The following RPTOR variants were observed in gnomAD, a reference collection of about 807,000 sequenced individuals.
RPTOR encodes regulatory associated protein of MTOR complex 1, also known as regulatory-associated protein of mTOR.
A neutral mutation model predicts 169.9 loss-of-function variants in RPTOR; 21 were observed. That is an observed-to-expected ratio of 0.12 (90% CI 0.09 to 0.18). RPTOR has a LOEUF of 0.18. Among genes scored for constraint, RPTOR ranks in the 10% least tolerant of loss-of-function variants. The pLI, the probability that RPTOR is intolerant of heterozygous loss-of-function variation, is 1.00. For missense variants in RPTOR, 1,133 were observed against 1,855.9 expected (o/e 0.61, Z 7.16); for synonymous variants, 732 against 753.2 (o/e 0.97, Z 0.46).
At chr17:80,838,316 GT>G (rs1357821925) in intron 10 of RPTOR, among the ~76,000 whole-genome samples, 3 of 152,158 alleles carry the variant, frequency 2.0e-5, no homozygotes, top group African/African-American at 4.8e-5. Context: ...CCACAGACGC[GT>G]TGTGGATCTC....
intron 25 of RPTOR, among the ~76,000 whole-genome samples, chr17:80,945,312 G>T (rs1473199975): frequency 6.6e-6 from 1 of 151,778 alleles, no homozygotes; most frequent in Non-Finnish European, 1.5e-5. Context: ...TAAAAAAGGG[G>T]CCCGGCGCGG....
intron 1 of RPTOR, among the ~76,000 whole-genome samples, chr17:80,590,432 G>A (rs2065095588): frequency 6.7e-6 from 1 of 149,264 alleles, no homozygotes; most frequent in Non-Finnish European, 1.5e-5. Context: ...TGCACACAGT[G>A]TCTTTAATGG....
chr17:80,588,805 AAAATGTGTTT>A (rs1330828785), intron 1 of RPTOR, among the ~76,000 whole-genome samples: 3 of 152,286 alleles, frequency 2.0e-5, no homozygotes, highest in African/African-American at 7.2e-5. Context: ...ACGTCCTTTT[AAAATGTGTTT>A]ATATGTGGAA....
At position 80,582,802 on chromosome 17, in the gene RPTOR, C is replaced by T. The variant is rs151205447; in HGVS notation, c.162+37011C>T. ...CTCGTGATCCGCCCGCCTCAGCCTC[C>T]CAAAGTGCTGGGATTACAGGCGTGA... On this transcript the variant is annotated intron_variant, in intron 1 of 33. Coordinates refer to ENST00000306801, the MANE Select transcript of RPTOR (RefSeq NM_020761.3). Among the ~76,000 whole-genome samples the T allele has an allele frequency of 2.6e-5, 4 of 152,130 alleles. No individual in the cohort carries two copies. In the East Asian group the frequency reaches 7.7e-4, roughly 29 times the overall value.
At chr17:80,859,592 C>T (rs2067894399) in intron 13 of RPTOR, among the ~76,000 whole-genome samples, 1 of 152,146 alleles carries the variant, frequency 6.6e-6, no homozygotes, top group African/African-American at 2.4e-5. Flanking sequence ...ACGGAGGAGC[C>T]GGCATCAGGG....
At position 80,855,551 on chromosome 17, in the gene RPTOR, C is replaced by T. The variant is rs369482636; in HGVS notation, c.1398+4C>T. ...GGGTCCCTGGGCAGTGAGCCTGGTG[C>T]GTGCCTTCCGCATTAACCTGGGGGC... On this transcript the variant is annotated splice_donor_region_variant and intron_variant, in intron 12 of 33. Transcript: ENST00000306801. The T allele has an allele frequency of 5.0e-5, 80 of 1,606,556 alleles. No homozygotes were observed. The highest frequency in any genetic ancestry group is 6.7e-5 in the Admixed American group (4 of 60,014).
chr17:80,810,048 AAAATAAATAAATAAATAAATAAAT>A (rs56853505), intron 7 of RPTOR, among the ~76,000 whole-genome samples: 3 of 144,150 alleles, frequency 2.1e-5, no homozygotes, highest in South Asian at 2.3e-4. Flanking sequence ...ACTCCATCTC[AAAATAAATAAATAAATAAATAAAT>A]AAATAAATAA....
In RPTOR at chr17:80,562,849, T is replaced by A. The variant is rs1006886323; in HGVS notation, c.162+17058T>A. On this transcript the variant is annotated intron_variant, in intron 1 of 33. Transcript: ENST00000306801. This position sits in a 1 kb window ranked among gnomAD's most constrained non-coding sequence, Gnocchi z 4.4. ...TAAAGATATATCAAAACAAAAGTAC[T>A]GTGAAAAAGTTAAATCAGATTTTTC... 6.6e-6 allele frequency among the ~76,000 whole-genome samples: 1 copy of A among 152,244 alleles called. No individual in the cohort carries two copies. Among genetic ancestry groups the A allele is most frequent in the Non-Finnish European group, 1.5e-5 (1 of 68,046 alleles).
At chr17:80,872,851 C>G (rs982423213) in intron 13 of RPTOR, among the ~76,000 whole-genome samples, 1 of 152,156 alleles carries the variant, frequency 6.6e-6, no homozygotes, top group African/African-American at 2.4e-5. Context: ...GAGGCTGTCT[C>G]TGTGTGGCAA....
chr17:80,607,655 C>T (rs1404429981), intron 1 of RPTOR, among the ~76,000 whole-genome samples: 8 of 151,036 alleles, frequency 5.3e-5, no homozygotes, highest in South Asian at 2.1e-4. Context: ...TATATCTCCC[C>T]GATTTTTTGA....
At chr17:80,953,490 A>C (rs1208321815) in intron 28 of RPTOR, among the ~76,000 whole-genome samples, 1 of 152,250 alleles carries the variant, frequency 6.6e-6, no homozygotes, top group Non-Finnish European at 1.5e-5. Context: ...GTGCCAAGCC[A>C]AGCCCTCTGT....
chr17:80,647,977 G>C (rs1296119933), intron 3 of RPTOR, among the ~76,000 whole-genome samples: 1 of 152,124 alleles, frequency 6.6e-6, no homozygotes, highest in African/African-American at 2.4e-5. Flanking sequence ...TCTCAGATGT[G>C]TCACAGTTAA....
intron 3 of RPTOR, among the ~76,000 whole-genome samples, chr17:80,665,236 G>A (rs991267150): frequency 4.6e-5 from 7 of 152,156 alleles, no homozygotes; most frequent in South Asian, 2.1e-4. Flanking sequence ...GTTTCCTGGC[G>A]AGGAGGGAGG....
At chr17:80,677,002 C>T (rs557656384) in intron 3 of RPTOR, among the ~76,000 whole-genome samples, 6 of 152,286 alleles carry the variant, frequency 3.9e-5, no homozygotes, top group East Asian at 3.9e-4. Flanking sequence ...TGAGGGACTT[C>T]GGTTCCCACC....
At position 80,957,989 on chromosome 17, in the gene RPTOR, G is replaced by C. The variant is rs1371648969; in HGVS notation, c.3477+259G>C. On this transcript the variant is annotated intron_variant, in intron 29 of 33. Transcript: ENST00000306801. This position sits in a 1 kb window ranked among gnomAD's most constrained non-coding sequence, Gnocchi z 4.6. ...CGCCAGCTCTGAGTGTTTGCAAGTA[G>C]TGTCTTCTCTCTGCAAATTAAGGAA... 6.6e-6 allele frequency among the ~76,000 whole-genome samples: 1 copy of C among 152,212 alleles called. No homozygotes were observed. The highest frequency in any genetic ancestry group is 2.4e-5 in the African/African-American group (1 of 41,442).
intron 5 of RPTOR, among the ~76,000 whole-genome samples, chr17:80,744,551 TAGCACTGTCCTGGTTACG>T (rs1174075186): frequency 5.6e-5 from 5 of 89,048 alleles, no homozygotes; most frequent in East Asian, 2.8e-4. Context: ...CCCTGGCTAC[TAGCACTGTCCTGGTTACG>T]AGCACAGCCC....
At position 80,820,633 on chromosome 17, in the gene RPTOR, C is replaced by T. The variant is rs959747568; in HGVS notation, c.891-1568C>T. 6.6e-6 allele frequency among the ~76,000 whole-genome samples: 1 copy of T among 151,580 alleles called. No individual in the cohort carries two copies. Among genetic ancestry groups the T allele is most frequent in the African/African-American group, 2.4e-5 (1 of 41,236 alleles). ...CTTTGCTTTTCCTCACTCCCCTGCT[C>T]GGAGGTCGGAGGGCAGGCAGCCTGG... On this transcript the variant is annotated intron_variant, in intron 7 of 33. Transcript: ENST00000306801. This position sits in a 1 kb window ranked among gnomAD's most constrained non-coding sequence, Gnocchi z 4.1.
chr17:80,794,772 C>T (rs2067084321), intron 7 of RPTOR, among the ~76,000 whole-genome samples: 1 of 152,232 alleles, frequency 6.6e-6, no homozygotes, highest in African/African-American at 2.4e-5. Flanking sequence ...GGGCGGTTCC[C>T]AGAAGTATCA....
rs2065459010 is a variant in RPTOR at position 80,633,676 on chromosome 17, G to GTAGT, written c.265+7885_265+7888dup. 6.6e-6 allele frequency among the ~76,000 whole-genome samples: 1 copy of GTAGT among 152,218 alleles called. No individual in the cohort carries two copies. Among genetic ancestry groups the GTAGT allele is most frequent in the African/African-American group, 2.4e-5 (1 of 41,446 alleles). On this transcript the variant is annotated intron_variant, in intron 2 of 33. Coordinates refer to ENST00000306801, the MANE Select transcript of RPTOR (RefSeq NM_020761.3). This position sits in a 1 kb window ranked among gnomAD's most constrained non-coding sequence, Gnocchi z 4.1. ...TGGACCTCATGTGAAATTCCCCTTTGTAGTTGATAGGTATTTTCGGGAAGA... is the reference window on the plus strand; with the variant it reads ...TGGACCTCATGTGAAATTCCCCTTTGTAGTTAGTTGATAGGTATTTTCGGGAAGA...
Sources: allele counts gnomAD v4.1 joint callset (sites outside exome capture counted in the v4.1 genomes callset), GRCh38; gene constraint gnomAD v4.1.1; non-coding constraint Gnocchi (gnomAD v3.1); transcripts MANE v1.5; gene names NCBI Gene and HGNC (gene_info 2026-07-23, HGNC 2026-07-21).